GDNF: variants seen among roughly 807,000 people sequenced by gnomAD.
The protein encoded by GDNF is glial cell line-derived neurotrophic factor.
GDNF carries 5 observed loss-of-function variants against 13.7 expected under a neutral mutation model. The observed-to-expected ratio is 0.36, with a 90% CI of 0.19 to 0.77. GDNF has a LOEUF of 0.77. GDNF is among the 30% of genes least tolerant of loss of function. The pLI, the probability that GDNF is intolerant of heterozygous loss-of-function variation, is 0.51. For synonymous variants in GDNF, 122 were observed against 112.5 expected, an observed-to-expected ratio of 1.08 and a Z score of -0.53; for missense variants, 246 against 274.3, an observed-to-expected ratio of 0.90 and a Z score of 0.73.
At chr5:37,833,480 G>A (rs964353544) in intron 2 of GDNF, among the ~76,000 whole-genome samples, 4 of 152,118 alleles carry the variant, frequency 2.6e-5, no homozygotes, top group African/African-American at 4.8e-5. Context: ...TATCTTTCTT[G>A]GGACTTGTGG....
intron 1 of GDNF, among the ~76,000 whole-genome samples, chr5:37,836,036 C>G (rs1230470347): frequency 1.3e-5 from 2 of 152,088 alleles, no homozygotes; most frequent in Admixed American, 1.3e-4. Context: ...ACCGAGGCAT[C>G]TTGGGGTGCA....
At position 37,815,748 on chromosome 5, in the gene GDNF, C is replaced by T; in HGVS notation, c.539G>A (p.Arg180Lys). 1 of 1,614,076 alleles carries T rather than the reference C, an allele frequency of 6.2e-7. No homozygotes were observed. Among genetic ancestry groups the T allele is most frequent in the Non-Finnish European group, 8.5e-7 (1 of 1,179,932 alleles). The change falls in exon 3 of 3, where the codon AGA (arginine) becomes AAA (lysine). Residue 180 changes from arginine (R) to lysine (K), a missense_variant. Arg to Lys is a conservative substitution (Grantham distance 26). Transcript: ENST00000326524. The surrounding 1 kb of genome is among the most constrained non-coding windows in gnomAD (Gnocchi z 5.0). Reference sequence around the variant, plus strand: ...CAGGTCATCATCAAAGGCGATGGGTCTGCAACATGCCTGCCCTACTTTGTC... The same window carrying T: ...CAGGTCATCATCAAAGGCGATGGGTTTGCAACATGCCTGCCCTACTTTGTC... Reference protein sequence around the residue: ...VSDKVGQACCRPIAFDDDLSF... With the variant: ...VSDKVGQACCKPIAFDDDLSF...
chr5:37,817,201 C>A (rs1418645473), intron 2 of GDNF, among the ~76,000 whole-genome samples: 1 of 152,160 alleles, frequency 6.6e-6, no homozygotes, highest in Non-Finnish European at 1.5e-5. Flanking sequence ...AATCAGCAGT[C>A]TCTTAGTGCT....
chr5:37,836,652 C>T (rs1750716336), intron 1 of GDNF, among the ~76,000 whole-genome samples: 1 of 152,206 alleles, frequency 6.6e-6, no homozygotes, highest in East Asian at 1.9e-4. Context: ...GGAACGCGAG[C>T]TTCCCCCCTC....
chr5:37,825,739 C>T (rs528656292), intron 2 of GDNF, among the ~76,000 whole-genome samples: 1 of 152,282 alleles, frequency 6.6e-6, no homozygotes, highest in South Asian at 2.1e-4. Flanking sequence ...CACTCAGCAT[C>T]CCTCAGCTCT....
Position 37,840,036 on chromosome 5 carries a change from C to G in GDNF, c.-556G>C, listed in dbSNP as rs969043115. ...TGAAGACATGAGGGCGCCAGGAGCG[C>G]AGGCTGGTCTTCTAGAGCCCGGGCT... On this transcript the variant is annotated 5_prime_UTR_variant, in exon 1 of 3. Transcript: ENST00000326524. The surrounding 1 kb of genome is among the most constrained non-coding windows in gnomAD (Gnocchi z 4.4). The G allele has an allele frequency of 6.7e-6, 1 of 148,536 alleles. No homozygotes were observed. The highest frequency in any genetic ancestry group is 1.5e-5 in the Non-Finnish European group (1 of 67,640). The allele number at this position is 148,536 out of a possible 1,614,324, so 9.2% of individuals were successfully genotyped here. A position where few individuals can be genotyped will look rare whatever the true frequency, so the allele number is the denominator to read the frequency against.
chr5:37,835,435 G>A (rs1750671444), intron 1 of GDNF: 2 of 1,437,554 alleles, frequency 1.4e-6, no homozygotes, highest in Non-Finnish European at 1.8e-6. Context: ...ACCTAAATAG[G>A]TATTCTGTTG....
intron 2 of GDNF, among the ~76,000 whole-genome samples, chr5:37,830,151 A>G (rs1750471481): frequency 6.6e-6 from 1 of 152,220 alleles, no homozygotes; most frequent in Admixed American, 6.5e-5. Flanking sequence ...CTCACAGTTT[A>G]CTAAGTATTT....
At chr5:37,829,829 T>C (rs982096506) in intron 2 of GDNF, among the ~76,000 whole-genome samples, 2 of 152,184 alleles carry the variant, frequency 1.3e-5, no homozygotes, top group African/African-American at 4.8e-5. Flanking sequence ...CAGTTTGAAA[T>C]GGTTTTCCAG....
In GDNF at chr5:37,825,351, A is replaced by G. The variant is rs1750272767; in HGVS notation, c.152-9216T>C. Among the ~76,000 whole-genome samples, 4 of 152,342 alleles carry G rather than the reference A, an allele frequency of 2.6e-5. No homozygotes were observed. In the East Asian group the frequency reaches 7.7e-4, roughly 29 times the overall value. On this transcript the variant is annotated intron_variant, in intron 2 of 2. Coordinates refer to ENST00000326524, the MANE Select transcript of GDNF (RefSeq NM_000514.4). ...ATTACAGTTATGCTAATAATTTTAC[A>G]GTAATACAGCACAGTCCCCCTGGGT...
chr5:37,827,909 T>C (rs921047999), intron 2 of GDNF, among the ~76,000 whole-genome samples: 1 of 152,204 alleles, frequency 6.6e-6, no homozygotes, highest in African/African-American at 2.4e-5. Context: ...TTAGAAAGCT[T>C]CAAAGTAGGT....
intron 1 of GDNF, chr5:37,835,740 C>T (rs1581592893): frequency 1.7e-6 from 2 of 1,187,680 alleles, no homozygotes; most frequent in Non-Finnish European, 2.5e-6. Context: ...GAGATTCTGG[C>T]CCTAATCCCT....
chr5:37,832,303 T>C (rs9292675), intron 2 of GDNF, among the ~76,000 whole-genome samples: 2,367 of 152,360 alleles, frequency 0.016, 66 homozygotes, highest in African/African-American at 0.054. Flanking sequence ...AGTTGCACCA[T>C]GTACAGTGCA....
At chr5:37,817,159 C>T (rs533229005) in intron 2 of GDNF, among the ~76,000 whole-genome samples, 1 of 152,216 alleles carries the variant, frequency 6.6e-6, no homozygotes, top group Middle Eastern at 3.2e-3. Flanking sequence ...TGCAGGGACA[C>T]TAAGATGTCT....
At chr5:37,825,474 C>T (rs2111676284) in intron 2 of GDNF, among the ~76,000 whole-genome samples, 1 of 152,312 alleles carries the variant, frequency 6.6e-6, no homozygotes, top group East Asian at 1.9e-4. Flanking sequence ...GCTAAAAGCA[C>T]TCCAGAGTCG....
At position 37,815,487 on chromosome 5, in the gene GDNF, TTCCTCCTCC is replaced by T. The variant is rs150577324; in HGVS notation, c.*155_*163del. The T allele has an allele frequency of 4.8e-3, 3,033 of 637,760 alleles. 40 individuals carry two copies. Among genetic ancestry groups the T allele is most frequent in the Non-Finnish European group, 3.8e-3 (1,358 of 361,248 alleles). The allele number at this position is 637,760 out of a possible 1,614,324, so 39.5% of individuals were successfully genotyped here. Reference sequence around the variant, plus strand: ...CTACCAGGCTCCCATGATGGCTGCCTTCCTCCTCCTCCTCCTCCTCCTCCTCCTCCTCCT... The same window carrying T: ...CTACCAGGCTCCCATGATGGCTGCCTTCCTCCTCCTCCTCCTCCTCCTCCT... On this transcript the variant is annotated 3_prime_UTR_variant, in exon 3 of 3. Coordinates refer to ENST00000326524, the MANE Select transcript of GDNF (RefSeq NM_000514.4). The surrounding 1 kb of genome is among the most constrained non-coding windows in gnomAD (Gnocchi z 5.0).
At position 37,814,020 on chromosome 5, in the gene GDNF, C is replaced by T. The variant is rs1239472256; in HGVS notation, c.*1631G>A. On this transcript the variant is annotated 3_prime_UTR_variant, in exon 3 of 3. Transcript: ENST00000326524. ...GTATATAGGAGCAGCAGCTGTTGAC[C>T]CCCGGTGACAGCCCAGGGGTTGTAC... The T allele has an allele frequency of 6.5e-6, 1 of 152,692 alleles. No individual in the cohort carries two copies. Among genetic ancestry groups the T allele is most frequent in the Non-Finnish European group, 1.5e-5 (1 of 68,120 alleles). The allele number at this position is 152,692 out of a possible 1,614,324, so 9.5% of individuals were successfully genotyped here.
rs71604877 is a variant in GDNF, at chr5:37,813,560, C to CT, written c.*2090dup. 0.15 allele frequency: 13,321 copies of CT among 86,880 alleles called. 1,542 individuals carry two copies. The highest frequency in any genetic ancestry group is 0.24 in the Admixed American group (1,576 of 6,644). 5.4% of individuals were successfully genotyped at this position (86,880 alleles called of 1,614,324 possible). On this transcript the variant is annotated 3_prime_UTR_variant, in exon 3 of 3. Transcript: ENST00000326524. Reference sequence around the variant, plus strand: ...CCTATGCTTCCTCCTGCTCCAACCTCTTTTTTTTTTTTTTTTTTTTTTTGA... The same window carrying CT: ...CCTATGCTTCCTCCTGCTCCAACCTCTTTTTTTTTTTTTTTTTTTTTTTTGA...
chr5:37,820,948 C>A (rs1433720029), intron 2 of GDNF, among the ~76,000 whole-genome samples: 1 of 133,906 alleles, frequency 7.5e-6, no homozygotes, highest in African/African-American at 3.1e-5. Context: ...ATAGAAGAAA[C>A]AACAAAATTT....
Sources: gnomAD v4.1 joint callset for allele counts (sites outside exome capture counted in the v4.1 genomes callset) on GRCh38, gnomAD v4.1.1 for gene constraint, Gnocchi (gnomAD v3.1) non-coding constraint, MANE v1.5 for transcripts, NCBI Gene and HGNC (gene_info 2026-07-23, HGNC 2026-07-21) for gene names.